The following ADGRB3 variants were observed in gnomAD, a reference collection of about 807,000 sequenced individuals.
ADGRB3 encodes the protein brain-specific angiogenesis inhibitor 3.
Under a neutral mutation model 193.4 loss-of-function variants are expected in ADGRB3, and 37 were observed. The ratio of observed to expected loss-of-function variants is 0.19; its 90% CI spans 0.15 to 0.25. ADGRB3 has a LOEUF of 0.25. Among genes scored for constraint, ADGRB3 ranks in the 10% least tolerant of loss-of-function variants. ADGRB3 has a pLI of 1.00. For missense variants in ADGRB3, 1,637 were observed against 1,852.9 expected, an observed-to-expected ratio of 0.88 and a Z score of 2.14; for synonymous variants, 690 against 644.2, an observed-to-expected ratio of 1.07 and a Z score of -1.08.
chr6:69,306,456 C>A (rs549186123), intron 20 of ADGRB3, among the ~76,000 whole-genome samples: 2 of 151,428 alleles, frequency 1.3e-5, no homozygotes, highest in South Asian at 4.2e-4. Context: ...AAGTTGATAA[C>A]CTATGTACTA....
chr6:68,696,187 G>A (rs1765154454), intron 3 of ADGRB3, among the ~76,000 whole-genome samples: 1 of 151,872 alleles, frequency 6.6e-6, no homozygotes, highest in South Asian at 2.1e-4. Context: ...GGAACTTTTG[G>A]AATTTCTCAT....
chr6:69,137,124 C>T (rs573001294), intron 17 of ADGRB3, among the ~76,000 whole-genome samples: 1 of 141,868 alleles, frequency 7.0e-6, no homozygotes, highest in Admixed American at 7.4e-5. Context: ...AAATAGATGA[C>T]CAGTGTGGTT....
At chr6:69,067,528 G>A (rs1181582999) in intron 16 of ADGRB3, among the ~76,000 whole-genome samples, 1 of 152,108 alleles carries the variant, frequency 6.6e-6, no homozygotes, top group African/African-American at 2.4e-5. Flanking sequence ...TGAATATAAA[G>A]GTTAATAACC....
intron 20 of ADGRB3, among the ~76,000 whole-genome samples, chr6:69,319,422 T>G (rs866857752): frequency 1.3e-5 from 2 of 151,298 alleles, no homozygotes; most frequent in South Asian, 4.1e-4. Flanking sequence ...ACATGCTCTG[T>G]TTTTTTATGT....
intron 3 of ADGRB3, among the ~76,000 whole-genome samples, chr6:68,685,777 C>T (rs1764972656): frequency 6.6e-6 from 1 of 152,048 alleles, no homozygotes; most frequent in Non-Finnish European, 1.5e-5. Flanking sequence ...CCTGTAATCC[C>T]AGCTACTCTG....
intron 5 of ADGRB3, among the ~76,000 whole-genome samples, chr6:68,942,509 T>C (rs2150250776): frequency 6.6e-6 from 1 of 152,272 alleles, no homozygotes; most frequent in Admixed American, 6.5e-5. Context: ...CTCATTCCTT[T>C]TTATTGATGT....
chr6:68,935,307 CCTT>C (rs1249509256), intron 4 of ADGRB3, among the ~76,000 whole-genome samples: 2 of 152,168 alleles, frequency 1.3e-5, no homozygotes, highest in East Asian at 1.9e-4. Flanking sequence ...GGCCCAAACT[CCTT>C]CTTCCCTAGA....
chr6:69,226,369 C>A (rs1766015973), intron 17 of ADGRB3, among the ~76,000 whole-genome samples: 1 of 152,150 alleles, frequency 6.6e-6, no homozygotes, highest in South Asian at 2.1e-4. Flanking sequence ...TCTTTAACAG[C>A]TATTTATTCA....
At chr6:68,878,154 C>A (rs1399158636) in intron 3 of ADGRB3, among the ~76,000 whole-genome samples, 1 of 151,794 alleles carries the variant, frequency 6.6e-6, no homozygotes, top group Non-Finnish European at 1.5e-5. Context: ...TTAAATAAAT[C>A]TTTTAGGATA....
At chr6:69,186,978 G>T (rs1239091442) in intron 17 of ADGRB3, among the ~76,000 whole-genome samples, 2 of 143,258 alleles carry the variant, frequency 1.4e-5, no homozygotes, top group Non-Finnish European at 1.5e-5. Flanking sequence ...CAGCTGAATT[G>T]TTTCTTCAAT....
chr6:69,239,314 A>G, intron 20 of ADGRB3, 88 bp downstream of exon 20: 3 of 923,088 alleles, frequency 3.2e-6, no homozygotes, highest in East Asian at 2.7e-5. Flanking sequence ...TCATTCTAAA[A>G]TGGAGAACTT....
intron 3 of ADGRB3, among the ~76,000 whole-genome samples, chr6:68,774,610 T>G (rs1402842660): frequency 1.3e-5 from 2 of 152,026 alleles, no homozygotes; most frequent in African/African-American, 4.8e-5. Context: ...CTTTTTATAT[T>G]TATTGCTTTT....
intron 17 of ADGRB3, among the ~76,000 whole-genome samples, chr6:69,147,093 CT>C (rs1774523879): frequency 6.6e-6 from 1 of 151,628 alleles, no homozygotes; most frequent in Non-Finnish European, 1.5e-5. Flanking sequence ...TAAAAAAACA[CT>C]TTTTGTTGCA....
At chr6:69,121,717 G>A (rs1342171407) in intron 17 of ADGRB3, among the ~76,000 whole-genome samples, 1 of 150,968 alleles carries the variant, frequency 6.6e-6, no homozygotes, top group East Asian at 2.0e-4. Flanking sequence ...GCCGGGCAGA[G>A]GCGCACCTCA....
chr6:68,857,003 G>T (rs1765006939), intron 3 of ADGRB3, among the ~76,000 whole-genome samples: 1 of 152,146 alleles, frequency 6.6e-6, no homozygotes, highest in Non-Finnish European at 1.5e-5. Flanking sequence ...TCAAAGGGTG[G>T]AAGTCCAAGG....
intron 29 of ADGRB3, among the ~76,000 whole-genome samples, chr6:69,362,626 A>C (rs1769477391): frequency 6.6e-6 from 1 of 151,964 alleles, no homozygotes; most frequent in Non-Finnish European, 1.5e-5. Context: ...GTTCTGGATC[A>C]CCCTCAAACT....
At chr6:69,013,998 C>A in intron 11 of ADGRB3, 40 bp from the exon 12 acceptor site, 1 of 1,364,920 alleles carries the variant, frequency 7.3e-7, no homozygotes, top group African/African-American at 1.5e-5. Flanking sequence ...GTATAATTCT[C>A]TCATGTAATA....
chr6:69,297,138 T>C (rs1171653599), intron 20 of ADGRB3, among the ~76,000 whole-genome samples: 1 of 152,112 alleles, frequency 6.6e-6, no homozygotes, highest in Non-Finnish European at 1.5e-5. Context: ...CAACCTTTGG[T>C]GCTATGAGTT....
At chr6:69,138,807 C>A (rs765803277) in intron 17 of ADGRB3, among the ~76,000 whole-genome samples, 1 of 152,138 alleles carries the variant, frequency 6.6e-6, no homozygotes, top group Non-Finnish European at 1.5e-5. Context: ...TGAAGAAATT[C>A]ACATCATAAT....
Sources: gnomAD v4.1 joint callset for allele counts (sites outside exome capture counted in the v4.1 genomes callset) on GRCh38, gnomAD v4.1.1 for gene constraint, MANE v1.5 for transcripts, NCBI Gene and HGNC (gene_info 2026-07-23, HGNC 2026-07-21) for gene names.